The following CHL1 variants were observed in gnomAD, a reference collection of about 807,000 sequenced individuals.
CHL1 encodes neural cell adhesion molecule L1-like protein.
A neutral mutation model predicts 141.9 loss-of-function variants in CHL1; 96 were observed. The ratio of observed to expected loss-of-function variants is 0.68; its 90% CI spans 0.57 to 0.80. The LOEUF (loss-of-function observed/expected upper bound fraction) is 0.80. Ranked by LOEUF, CHL1 falls within the 30% of genes least tolerant of loss-of-function variation. The pLI is 0.00. For synonymous variants in CHL1, 613 were observed against 502.2 expected (o/e 1.22, Z -2.95); for missense variants, 1,820 against 1,457.2 (o/e 1.25, Z -4.05).
chr3:363,424 G>A (rs775093642), intron 14 of CHL1, 41 bp downstream of exon 14: 2 of 1,549,088 alleles, frequency 1.3e-6, no homozygotes, highest in South Asian at 1.2e-5. Flanking sequence ...ATTGTCACAT[G>A]GGTTCAGTCT....
chr3:408,557 T>G lies in CHL1; in HGVS notation c.*2846T>G, dbSNP rs1709671882. 6.6e-6 allele frequency: 1 copy of G among 152,180 alleles called. No individual in the cohort carries two copies. Among genetic ancestry groups the G allele is most frequent in the South Asian group, 2.1e-4 (1 of 4,830 alleles). 9.4% of individuals were successfully genotyped at this position (152,180 alleles called of 1,614,324 possible). Reference sequence around the variant, plus strand: ...TGAAAATGATAAAAGCTAAGATGCCTTCTAACTTCATAAGCAAACCTTTAA... The same window carrying G: ...TGAAAATGATAAAAGCTAAGATGCCGTCTAACTTCATAAGCAAACCTTTAA... On this transcript the variant is annotated 3_prime_UTR_variant, in exon 28 of 28. Transcript: ENST00000256509.
chr3:240,821 G>C (rs624266), intron 1 of CHL1, among the ~76,000 whole-genome samples: 145,332 of 152,196 alleles, frequency 0.95, 69,502 homozygotes, highest in East Asian at 1. Flanking sequence ...TGTGGCTTGC[G>C]AATTATCGCA....
chr3:373,221 G>T (rs981922097), intron 15 of CHL1, among the ~76,000 whole-genome samples: 3 of 152,236 alleles, frequency 2.0e-5, no homozygotes, highest in Admixed American at 1.3e-4. Flanking sequence ...AAGTCTGCTG[G>T]TCTGCAGAGA....
intron 11 of CHL1, among the ~76,000 whole-genome samples, chr3:356,062 G>C (rs1281569969): frequency 6.6e-6 from 1 of 152,162 alleles, no homozygotes; most frequent in Non-Finnish European, 1.5e-5. Flanking sequence ...TGGTTGGTTG[G>C]TATTGTTTTC....
chr3:299,734 A>G (rs1005734062), intron 2 of CHL1, among the ~76,000 whole-genome samples: 2 of 152,138 alleles, frequency 1.3e-5, no homozygotes, highest in South Asian at 4.1e-4. Flanking sequence ...CGAAGCTTGC[A>G]CATTGTTCTC....
intron 3 of CHL1, among the ~76,000 whole-genome samples, chr3:320,736 C>T (rs1372029691): frequency 1.3e-5 from 2 of 151,946 alleles, no homozygotes. Context: ...GCAAACAGAA[C>T]ATATGTAATA....
At chr3:258,879 T>C (rs1318215906) in intron 2 of CHL1, among the ~76,000 whole-genome samples, 1 of 151,984 alleles carries the variant, frequency 6.6e-6, no homozygotes, top group South Asian at 2.1e-4. Context: ...TTTTTTTTTT[T>C]ATAAAGAAGG....
intron 1 of CHL1, among the ~76,000 whole-genome samples, chr3:215,013 A>G (rs1700199055): frequency 6.6e-6 from 1 of 152,046 alleles, no homozygotes; most frequent in Admixed American, 6.6e-5. Flanking sequence ...TCTTCATCAC[A>G]TCAATTGTGT....
At chr3:251,057 C>G (rs1693649411) in intron 2 of CHL1, among the ~76,000 whole-genome samples, 1 of 152,044 alleles carries the variant, frequency 6.6e-6, no homozygotes, top group Non-Finnish European at 1.5e-5. Flanking sequence ...TGTAAAATTG[C>G]TGCTCTAATA....
At chr3:223,761 G>C (rs1422929312) in intron 1 of CHL1, among the ~76,000 whole-genome samples, 1 of 152,156 alleles carries the variant, frequency 6.6e-6, no homozygotes, top group East Asian at 1.9e-4. Flanking sequence ...AAAGCTCAGA[G>C]GCTAAGGTTT....
chr3:225,615 C>T (rs1190299283), intron 1 of CHL1, among the ~76,000 whole-genome samples: 6 of 147,198 alleles, frequency 4.1e-5, no homozygotes, highest in Non-Finnish European at 7.5e-5. Context: ...CAGACGTATA[C>T]ACACACTTAT....
chr3:285,688 A>C lies in CHL1; in HGVS notation c.-94-33995A>C, dbSNP rs143061066. 1.8e-3 allele frequency among the ~76,000 whole-genome samples: 278 copies of C among 152,306 alleles called. 1 individual carries two copies. Among genetic ancestry groups the C allele is most frequent in the African/African-American group, 6.5e-3 (270 of 41,568 alleles). ...TCTTCTAGAATATTTGTGAGGATTG[A>C]ATGAAATACTATGTATAATATGCAC... On this transcript the variant is annotated intron_variant, in intron 2 of 27. Transcript: ENST00000256509.
At chr3:232,666 G>C (rs1464502883) in intron 1 of CHL1, among the ~76,000 whole-genome samples, 3 of 151,936 alleles carry the variant, frequency 2.0e-5, no homozygotes, top group Admixed American at 6.6e-5. Flanking sequence ...TTATCATTAG[G>C]TTAGATATTT....
rs554131992 is a variant in CHL1 at position 370,224 on chromosome 3, T to C, written c.1751+4109T>C. 5.3e-5 allele frequency among the ~76,000 whole-genome samples: 8 copies of C among 152,328 alleles called. No individual in the cohort carries two copies. In the South Asian group the frequency reaches 1.5e-3, roughly 28 times the overall value. ...AGAATTCGGCTGTCAATCCATCTGG[T>C]CCTGGGCTTTATTGGCTGGTAGACT... On this transcript the variant is annotated intron_variant, in intron 15 of 27. Transcript: ENST00000256509.
At chr3:229,414 T>G (rs1456109738) in intron 1 of CHL1, among the ~76,000 whole-genome samples, 1 of 152,112 alleles carries the variant, frequency 6.6e-6, no homozygotes, top group East Asian at 1.9e-4. Flanking sequence ...CAGACACAAA[T>G]TCAGTTGCAG....
rs1014500581 is a variant in CHL1 at position 230,092 on chromosome 3, C to T, written c.-174-14521C>T. Among the ~76,000 whole-genome samples the T allele has an allele frequency of 2.6e-5, 4 of 152,172 alleles. No homozygotes were observed. In the East Asian group the frequency reaches 7.7e-4, roughly 29 times the overall value. On this transcript the variant is annotated intron_variant, in intron 1 of 27. Coordinates refer to ENST00000256509, the MANE Select transcript of CHL1 (RefSeq NM_006614.4). ...GTCCTGAGTGACAAACTGGCCCCCA[C>T]TGGAAGAACTCTTTAAAACACTCTG...
chr3:314,327 G>GTATATATATATA (rs1410311860), intron 2 of CHL1, among the ~76,000 whole-genome samples: 10 of 57,026 alleles, frequency 1.8e-4, no homozygotes, highest in African/African-American at 5.2e-4. Flanking sequence ...CTCTCTCTAT[G>GTATATATATATA]TGTATATATA....
At chr3:315,686 G>A (rs1054550121) in intron 2 of CHL1, among the ~76,000 whole-genome samples, 4 of 152,056 alleles carry the variant, frequency 2.6e-5, no homozygotes, top group African/African-American at 9.7e-5. Flanking sequence ...CTTGAAATCA[G>A]TGTATTCTTA....
chr3:314,245 T>C (rs762583210), intron 2 of CHL1, among the ~76,000 whole-genome samples: 61 of 149,058 alleles, frequency 4.1e-4, no homozygotes, highest in Non-Finnish European at 8.2e-4. Flanking sequence ...ATTAGGAAAA[T>C]GTTAAAATGC....
Sources: allele counts gnomAD v4.1 joint callset (sites outside exome capture counted in the v4.1 genomes callset), GRCh38; gene constraint gnomAD v4.1.1; transcripts MANE v1.5; gene names NCBI Gene and HGNC (gene_info 2026-07-23, HGNC 2026-07-21).